The following IL1RAPL1 variants were observed in gnomAD, a reference collection of about 807,000 sequenced individuals.
IL1RAPL1 encodes interleukin-1 receptor accessory protein-like 1.
A neutral mutation model predicts 48.4 loss-of-function variants in IL1RAPL1; 3 were observed. That is an observed-to-expected ratio of 0.06 (90% confidence interval 0.03 to 0.16). IL1RAPL1 has a LOEUF of 0.16. Among genes scored for constraint, IL1RAPL1 ranks in the 10% least tolerant of loss-of-function variants. IL1RAPL1 has a pLI of 1.00. For synonymous variants in IL1RAPL1, 185 were observed against 187.7 expected, an observed-to-expected ratio of 0.99 and a Z score of 0.12; for missense variants, 349 against 530.6, an observed-to-expected ratio of 0.66 and a Z score of 3.36.
rs140682617 is a variant in IL1RAPL1, at chrX:29,616,526, G to A, written c.704-51904G>A. 1.6e-3 allele frequency among the ~76,000 whole-genome samples: 139 copies of A among 87,655 alleles called. 2 individuals carry two copies. In the East Asian group the frequency reaches 0.047, roughly 30 times the overall value. The allele number at this position is 87,655 out of a possible 115,157, so 76.1% of individuals were successfully genotyped here. ...CTCGGTGTGTGATGTTCCCCTTCCCGTGTCCATGTGTTCTCATTGTTCAAT... is the reference window on the plus strand; with the variant it reads ...CTCGGTGTGTGATGTTCCCCTTCCCATGTCCATGTGTTCTCATTGTTCAAT... On this transcript the variant is annotated intron_variant, in intron 5 of 10. Coordinates refer to ENST00000378993, the MANE Select transcript of IL1RAPL1 (RefSeq NM_014271.4).
Position 29,655,279 on chromosome X carries a change from G to C in IL1RAPL1, c.704-13151G>C, listed in dbSNP as rs1178436702. 6.3e-5 allele frequency among the ~76,000 whole-genome samples: 7 copies of C among 111,741 alleles called. No homozygotes were observed. The Admixed American group carries it at 6.7e-4, about 11-fold the overall frequency. The stretch of plus-strand genomic sequence containing the variant: ...TTGTTTCCAAACTTCATCTAAATAA[G>C]TTTCTCCCACCTCCCTCCCACAGCA... On this transcript the variant is annotated intron_variant, in intron 5 of 10. Transcript: ENST00000378993.
intron 5 of IL1RAPL1, among the ~76,000 whole-genome samples, chrX:29,573,463 C>T (rs775802217): frequency 8.9e-6 from 1 of 112,437 alleles, no homozygotes; most frequent in South Asian, 3.7e-4. Context: ...GTCCATTATA[C>T]TTGTCTATCT....
intron 5 of IL1RAPL1, among the ~76,000 whole-genome samples, chrX:29,501,180 A>T (rs1480769543): frequency 9.0e-6 from 1 of 111,677 alleles, no homozygotes; most frequent in Non-Finnish European, 1.9e-5. Context: ...TAAACTCCTC[A>T]TGTATTCTGA....
chrX:29,436,610 C>A (rs774064148), intron 5 of IL1RAPL1, among the ~76,000 whole-genome samples: 1 of 109,393 alleles, frequency 9.1e-6, no homozygotes, highest in East Asian at 2.9e-4. Context: ...TGGAGAGGAG[C>A]AAAAACCTTT....
intron 2 of IL1RAPL1, among the ~76,000 whole-genome samples, chrX:29,073,289 C>T (rs1927604321): frequency 9.1e-6 from 1 of 110,291 alleles, no homozygotes; most frequent in Non-Finnish European, 1.9e-5. Flanking sequence ...TAACCTTAAT[C>T]TCTTCACTCT....
intron 3 of IL1RAPL1, among the ~76,000 whole-genome samples, chrX:29,385,456 T>C (rs5928339): frequency 0.43 from 46,493 of 107,587 alleles, 8,313 homozygotes; most frequent in Middle Eastern, 0.59. Flanking sequence ...TCCGTCTCAA[T>C]AAAAAAAAAA....
At chrX:28,883,541 T>G (rs981477916) in intron 2 of IL1RAPL1, among the ~76,000 whole-genome samples, 9 of 112,320 alleles carry the variant, frequency 8.0e-5, no homozygotes, top group Admixed American at 1.9e-4. Flanking sequence ...CTTGTAAGTA[T>G]TGCCAGTGGC....
intron 2 of IL1RAPL1, among the ~76,000 whole-genome samples, chrX:29,189,437 C>T (rs1408155575): frequency 9.0e-6 from 1 of 111,175 alleles, no homozygotes; most frequent in Non-Finnish European, 1.9e-5. Flanking sequence ...TTCATTTCCC[C>T]CTCTTTTTCC....
chrX:28,737,432 A>G (rs1206087976), intron 1 of IL1RAPL1, among the ~76,000 whole-genome samples: 1 of 107,839 alleles, frequency 9.3e-6, no homozygotes, highest in Non-Finnish European at 1.9e-5. Context: ...AATTTTTTGT[A>G]TTTTTAGTAG....
At chrX:29,071,291 T>C (rs1166190843) in intron 2 of IL1RAPL1, among the ~76,000 whole-genome samples, 1 of 111,309 alleles carries the variant, frequency 9.0e-6, no homozygotes, top group Non-Finnish European at 1.9e-5. Flanking sequence ...TTTTTCAACA[T>C]AGGCCACAAG....
chrX:29,373,414 C>G (rs1933572655), intron 3 of IL1RAPL1, among the ~76,000 whole-genome samples: 1 of 111,728 alleles, frequency 9.0e-6, no homozygotes, highest in African/African-American at 3.3e-5. Flanking sequence ...TTGTGTCTTT[C>G]TCTTGCCTGA....
intron 5 of IL1RAPL1, among the ~76,000 whole-genome samples, chrX:29,511,546 T>C (rs1302360123): frequency 8.9e-6 from 1 of 112,032 alleles, no homozygotes; most frequent in East Asian, 2.8e-4. Context: ...CTTATTTTTA[T>C]TTTTACCCCA....
intron 5 of IL1RAPL1, among the ~76,000 whole-genome samples, chrX:29,479,246 C>A (rs1041624400): frequency 4.7e-5 from 5 of 106,893 alleles, no homozygotes; most frequent in Non-Finnish European, 9.6e-5. Context: ...CATGTCTCTA[C>A]GAAATACAAA....
chrX:29,383,340 C>A (rs1238176423), intron 3 of IL1RAPL1, among the ~76,000 whole-genome samples: 1 of 111,963 alleles, frequency 8.9e-6, no homozygotes, highest in African/African-American at 3.2e-5. Flanking sequence ...AAATAAATTC[C>A]TCTCCCTGTG....
At position 29,443,689 on chromosome X, in the gene IL1RAPL1, C is replaced by T. The variant is rs189191212; in HGVS notation, c.703+44381C>T. On this transcript the variant is annotated intron_variant, in intron 5 of 10. Coordinates refer to ENST00000378993, the MANE Select transcript of IL1RAPL1 (RefSeq NM_014271.4). The stretch of plus-strand genomic sequence containing the variant: ...TATAGTAACTTATATAATAATCATT[C>T]ATTTGCTTACAGTATGGTGGGGTCG... 1.7e-3 allele frequency among the ~76,000 whole-genome samples: 194 copies of T among 111,922 alleles called. 2 individuals carry two copies. Among genetic ancestry groups the T allele is most frequent in the African/African-American group, 5.7e-3 (177 of 30,828 alleles).
intron 1 of IL1RAPL1, among the ~76,000 whole-genome samples, chrX:28,768,590 C>A (rs1023882886): frequency 9.4e-6 from 1 of 106,558 alleles, no homozygotes; most frequent in Admixed American, 1.0e-4. Flanking sequence ...ATGACTACAG[C>A]CTGTGTGTCA....
At chrX:29,164,087 GA>G (rs1929739527) in intron 2 of IL1RAPL1, among the ~76,000 whole-genome samples, 1 of 111,859 alleles carries the variant, frequency 8.9e-6, no homozygotes, top group Non-Finnish European at 1.9e-5. Context: ...TAAGGAAGGT[GA>G]AAGTGGCAAG....
chrX:29,600,374 C>T (rs1923681986), intron 5 of IL1RAPL1, among the ~76,000 whole-genome samples: 1 of 111,942 alleles, frequency 8.9e-6, no homozygotes, highest in Non-Finnish European at 1.9e-5. Flanking sequence ...GTGATGTGAT[C>T]TGTCTTCAGG....
intron 2 of IL1RAPL1, among the ~76,000 whole-genome samples, chrX:29,247,937 T>C (rs987489469): frequency 3.6e-5 from 4 of 111,848 alleles, no homozygotes; most frequent in African/African-American, 1.3e-4. Context: ...TTTGGCATTT[T>C]AGACATTTAG....
Sources: allele counts gnomAD v4.1 joint callset (sites outside exome capture counted in the v4.1 genomes callset), GRCh38; gene constraint gnomAD v4.1.1; transcripts MANE v1.5; gene names NCBI Gene and HGNC (gene_info 2026-07-23, HGNC 2026-07-21).